Variants in AKAP6 observed in about 807,000 individuals in gnomAD.
AKAP6 encodes the protein A-kinase anchor protein 6.
Under a neutral mutation model 188.5 loss-of-function variants are expected in AKAP6, and 58 were observed. That is an observed-to-expected ratio of 0.31 (90% CI 0.25 to 0.38). The LOEUF is 0.38. Among genes scored for constraint, AKAP6 ranks in the 10% least tolerant of loss-of-function variants. AKAP6 has a pLI of 1.00. For synonymous variants in AKAP6, 989 were observed against 998.6 expected (o/e 0.99, Z 0.18); for missense variants, 2,710 against 2,740.0 (o/e 0.99, Z 0.24).
intron 5 of AKAP6, among the ~76,000 whole-genome samples, chr14:32,586,453 C>G (rs972601021): frequency 6.6e-6 from 1 of 152,066 alleles, no homozygotes; most frequent in African/African-American, 2.4e-5. Context: ...TATGGTGAAA[C>G]CTCGTCTCTA....
chr14:32,583,653 G>A (rs889303907), intron 5 of AKAP6, among the ~76,000 whole-genome samples: 1 of 152,182 alleles, frequency 6.6e-6, no homozygotes, highest in African/African-American at 2.4e-5. Context: ...TGGCTGCTTT[G>A]TTTACCTAAG....
At chr14:32,448,139 C>T (rs1890818127) in intron 2 of AKAP6, among the ~76,000 whole-genome samples, 2 of 152,182 alleles carry the variant, frequency 1.3e-5, no homozygotes, top group Non-Finnish European at 2.9e-5. Context: ...TGGACTAGAA[C>T]CAAAATCTGG....
Position 32,813,067 on chromosome 14 carries a change from G to A in AKAP6, c.3589-8335G>A, listed in dbSNP as rs570125398. On this transcript the variant is annotated intron_variant, in intron 12 of 13. Transcript: ENST00000280979. ...GTCCCACAAGACTGCCTTCACTTCAGATGCCAATCACGCAATTTCCCATCC... is the reference window on the plus strand; with the variant it reads ...GTCCCACAAGACTGCCTTCACTTCAAATGCCAATCACGCAATTTCCCATCC... 9.2e-5 allele frequency among the ~76,000 whole-genome samples: 14 copies of A among 152,128 alleles called. No individual in the cohort carries two copies. In the South Asian group the frequency reaches 2.9e-3, roughly 32 times the overall value.
chr14:32,828,108 A>C (rs1183815124), intron 13 of AKAP6, among the ~76,000 whole-genome samples: 2 of 152,154 alleles, frequency 1.3e-5, no homozygotes, highest in Non-Finnish European at 2.9e-5. Context: ...TGGCCAGTAG[A>C]TTTTAGATTT....
At chr14:32,694,625 A>G (rs10134606) in intron 8 of AKAP6, among the ~76,000 whole-genome samples, 22 of 152,276 alleles carry the variant, frequency 1.4e-4, no homozygotes, top group African/African-American at 5.3e-4. Context: ...ATGTTAGCCA[A>G]TGTTGATGCT....
At chr14:32,692,846 T>A (rs887253245) in intron 8 of AKAP6, among the ~76,000 whole-genome samples, 1 of 152,118 alleles carries the variant, frequency 6.6e-6, no homozygotes, top group South Asian at 2.1e-4. Flanking sequence ...GTCTTGCCAA[T>A]TGATCATTTT....
intron 2 of AKAP6, among the ~76,000 whole-genome samples, chr14:32,498,630 A>G (rs1880447703): frequency 6.6e-6 from 1 of 152,052 alleles, no homozygotes; most frequent in Admixed American, 6.6e-5. Flanking sequence ...GCTTTCCTGT[A>G]GGTCAGCCAT....
chr14:32,475,329 A>G (rs973218101), intron 2 of AKAP6, among the ~76,000 whole-genome samples: 8 of 152,258 alleles, frequency 5.3e-5, no homozygotes, highest in Non-Finnish European at 7.4e-5. Context: ...GGCATCTCTA[A>G]AGCCTTCTGC....
chr14:32,391,087 T>C (rs757678859), intron 1 of AKAP6, among the ~76,000 whole-genome samples: 1 of 152,162 alleles, frequency 6.6e-6, no homozygotes, highest in African/African-American at 2.4e-5. Flanking sequence ...GACCCAGATG[T>C]CACTCCTCAA....
chr14:32,739,307 G>A (rs2031572206), intron 11 of AKAP6, among the ~76,000 whole-genome samples: 1 of 151,914 alleles, frequency 6.6e-6, no homozygotes, highest in Non-Finnish European at 1.5e-5. Flanking sequence ...GACATGCAAT[G>A]GGTACTAATC....
At chr14:32,814,106 G>A (rs1239909538) in intron 12 of AKAP6, among the ~76,000 whole-genome samples, 1 of 152,078 alleles carries the variant, frequency 6.6e-6, no homozygotes, top group Non-Finnish European at 1.5e-5. Flanking sequence ...CAGAGAAGCT[G>A]GACTTTTTCA....
chr14:32,801,951 A>G (rs951835013), intron 12 of AKAP6, among the ~76,000 whole-genome samples: 29 of 152,044 alleles, frequency 1.9e-4, no homozygotes, highest in Admixed American at 1.8e-3. Context: ...TTCATTTTCT[A>G]CAATTTGTGT....
At chr14:32,417,216 T>A (rs1376012148) in intron 1 of AKAP6, among the ~76,000 whole-genome samples, 1 of 152,182 alleles carries the variant, frequency 6.6e-6, no homozygotes, top group Non-Finnish European at 1.5e-5. Context: ...TCTGTCCTCA[T>A]AAAGAGAAAT....
intron 2 of AKAP6, among the ~76,000 whole-genome samples, chr14:32,523,884 G>A (rs1008960460): frequency 2.6e-5 from 4 of 151,868 alleles, no homozygotes; most frequent in African/African-American, 9.7e-5. Context: ...CCAGATGCCA[G>A]TTTTTAGAAA....
At chr14:32,812,923 T>C (rs976815869) in intron 12 of AKAP6, among the ~76,000 whole-genome samples, 3 of 152,008 alleles carry the variant, frequency 2.0e-5, no homozygotes, top group Non-Finnish European at 4.4e-5. Flanking sequence ...ATGTGTGGGG[T>C]TTTTTTACAC....
At chr14:32,419,403 T>C (rs563742323) in intron 1 of AKAP6, among the ~76,000 whole-genome samples, 1 of 152,278 alleles carries the variant, frequency 6.6e-6, no homozygotes, top group South Asian at 2.1e-4. Context: ...TTTATGAAAG[T>C]TCATCACCCA....
At chr14:32,777,021 C>G (rs575026008) in intron 12 of AKAP6, among the ~76,000 whole-genome samples, 2 of 152,136 alleles carry the variant, frequency 1.3e-5, no homozygotes, top group African/African-American at 4.8e-5. Flanking sequence ...AGAAATCATT[C>G]CCTTTTCCCT....
At chr14:32,598,183 G>A (rs766513481) in intron 5 of AKAP6, among the ~76,000 whole-genome samples, 30 of 152,124 alleles carry the variant, frequency 2.0e-4, no homozygotes, top group Admixed American at 3.9e-4. Context: ...GAACTGTATC[G>A]TTTCAAACTT....
intron 2 of AKAP6, among the ~76,000 whole-genome samples, chr14:32,491,973 G>A (rs1880039929): frequency 6.6e-6 from 1 of 152,094 alleles, no homozygotes; most frequent in Non-Finnish European, 1.5e-5. Flanking sequence ...TGCAACCTGT[G>A]ATCCTAGAAA....
Sources: allele counts gnomAD v4.1 joint callset (sites outside exome capture counted in the v4.1 genomes callset), GRCh38; gene constraint gnomAD v4.1.1; transcripts MANE v1.5; gene names NCBI Gene and HGNC (gene_info 2026-07-23, HGNC 2026-07-21).